Variants in STK10 observed in about 807,000 individuals in gnomAD.
STK10 encodes the protein serine/threonine kinase 10.
In STK10, 78 loss-of-function variants were observed where a neutral mutation model predicts 113.8. The observed-to-expected ratio is 0.69, with a 90% CI of 0.57 to 0.83. STK10 has a LOEUF of 0.83. Ranked by LOEUF, STK10 falls within the 40% of genes least tolerant of loss-of-function variation. STK10 has a pLI of 0.00. For missense variants in STK10, 1,109 were observed against 1,280.1 expected (o/e 0.87, Z 2.04); for synonymous variants, 465 against 494.7 (o/e 0.94, Z 0.80).
chr5:172,114,947 C>G (rs1473508), intron 4 of STK10: 29,003 of 152,668 alleles, frequency 0.19, 3,529 homozygotes, highest in African/African-American at 0.34. Context: ...CACCGCCAAC[C>G]CAGCCCTTTC....
chr5:172,163,423 A>T (rs1170042180), intron 1 of STK10, among the ~76,000 whole-genome samples: 1 of 152,150 alleles, frequency 6.6e-6, no homozygotes, highest in African/African-American at 2.4e-5. Flanking sequence ...CTAAAGATGA[A>T]TGACAATCAC....
intron 4 of STK10, among the ~76,000 whole-genome samples, chr5:172,111,768 G>A (rs1347435448): frequency 6.6e-6 from 1 of 152,260 alleles, no homozygotes; most frequent in Non-Finnish European, 1.5e-5. Flanking sequence ...TGTGGCCACA[G>A]TTGTATCCCT....
intron 1 of STK10, among the ~76,000 whole-genome samples, chr5:172,184,852 G>C (rs1431784015): frequency 3.3e-5 from 5 of 152,008 alleles, no homozygotes; most frequent in Admixed American, 3.3e-4. Flanking sequence ...GTAGAGGTGG[G>C]GTTTCACCAT....
At chr5:172,175,759 CTG>C (rs1770747376) in intron 1 of STK10, among the ~76,000 whole-genome samples, 1 of 152,150 alleles carries the variant, frequency 6.6e-6, no homozygotes, top group Admixed American at 6.6e-5. Context: ...GTCTTTCTCT[CTG>C]TGCTATGCAA....
chr5:172,050,769 G>A (rs1051321957), intron 18 of STK10, among the ~76,000 whole-genome samples: 6 of 151,592 alleles, frequency 4.0e-5, no homozygotes, highest in African/African-American at 1.5e-4. Context: ...CGGGAGTGCA[G>A]TAGTGCAATC....
intron 9 of STK10, among the ~76,000 whole-genome samples, chr5:172,091,531 C>CTTTT (rs778673700): frequency 0.012 from 1,628 of 131,848 alleles, 56 homozygotes; most frequent in African/African-American, 0.042. Flanking sequence ...TTCAAAGCCT[C>CTTTT]TTTTTTTTTT....
At chr5:172,046,180 C>T (rs188533218) in intron 18 of STK10, among the ~76,000 whole-genome samples, 1 of 151,154 alleles carries the variant, frequency 6.6e-6, no homozygotes, top group Non-Finnish European at 1.5e-5. Flanking sequence ...GCCAACAAGG[C>T]GAAACCCCAT....
intron 12 of STK10, among the ~76,000 whole-genome samples, chr5:172,065,588 C>A (rs1299288204): frequency 6.6e-6 from 1 of 152,134 alleles, no homozygotes; most frequent in Non-Finnish European, 1.5e-5. Flanking sequence ...GACATCCCTA[C>A]CCCCGCTGGC....
At chr5:172,057,942 T>G (rs747638510) in intron 14 of STK10, among the ~76,000 whole-genome samples, 3 of 152,178 alleles carry the variant, frequency 2.0e-5, no homozygotes, top group Non-Finnish European at 4.4e-5. Context: ...GGAGACCCCA[T>G]GAAGAAGACA....
intron 12 of STK10, among the ~76,000 whole-genome samples, chr5:172,073,207 T>C (rs1368486351): frequency 3.3e-5 from 5 of 152,170 alleles, no homozygotes; most frequent in African/African-American, 9.6e-5. Context: ...TGGAGTGCAG[T>C]AGTGGTGCGA....
intron 1 of STK10, among the ~76,000 whole-genome samples, chr5:172,169,644 A>G (rs1490033863): frequency 1.3e-5 from 2 of 152,108 alleles, no homozygotes; most frequent in Non-Finnish European, 2.9e-5. Flanking sequence ...TCCAGGGAGT[A>G]GACAATTATC....
Position 172,043,025 on chromosome 5 carries a change from A to T in STK10, c.*1857T>A, listed in dbSNP as rs185760516. 1.1e-4 allele frequency: 17 copies of T among 152,146 alleles called. No homozygotes were observed. In the East Asian group the frequency reaches 3.3e-3, roughly 29 times the overall value. 9.4% of individuals were successfully genotyped at this position (152,146 alleles called of 1,614,324 possible). On this transcript the variant is annotated 3_prime_UTR_variant, in exon 19 of 19. Transcript: ENST00000176763. ...CCCAGCTACTCAAGGTTGAAGCGGG[A>T]GAATCAGTTGAGCCACGAGTTTGAG...
At chr5:172,149,638 G>C (rs1379810346) in intron 2 of STK10, among the ~76,000 whole-genome samples, 1 of 152,038 alleles carries the variant, frequency 6.6e-6, no homozygotes, top group Non-Finnish European at 1.5e-5. Flanking sequence ...AAATGGAAAG[G>C]GTTCTGGCAC....
chr5:172,126,636 G>C (rs1769625595), intron 3 of STK10, among the ~76,000 whole-genome samples: 1 of 152,160 alleles, frequency 6.6e-6, no homozygotes, highest in Non-Finnish European at 1.5e-5. Context: ...ATGGGAACGT[G>C]GTTACCACAC....
intron 12 of STK10, among the ~76,000 whole-genome samples, chr5:172,069,631 T>C (rs1447948327): frequency 6.6e-6 from 1 of 152,154 alleles, no homozygotes; most frequent in African/African-American, 2.4e-5. Flanking sequence ...AATGTGACTA[T>C]TTAAAATAAC....
chr5:172,052,880 G>GA (rs1331129380), intron 18 of STK10, 49 bp downstream of exon 18: 2 of 1,570,680 alleles, frequency 1.3e-6, no homozygotes, highest in Middle Eastern at 2.1e-4. Flanking sequence ...GCCTGTGCAT[G>GA]GCACAGAGCA....
chr5:172,170,138 T>TC lies in STK10; in HGVS notation c.157-13351dup, dbSNP rs1491309968. Among the ~76,000 whole-genome samples, 269 of 148,418 alleles carry TC rather than the reference T, an allele frequency of 1.8e-3. 2 individuals are homozygous for TC. The highest frequency in any genetic ancestry group is 2.2e-3 in the Non-Finnish European group (151 of 67,696). ...GTATGTATCCTTTTTTTTTTTTTTTTCAGTATGTATTCTTAAATGACTAAG... is the reference window on the plus strand; with the variant it reads ...GTATGTATCCTTTTTTTTTTTTTTTTCCAGTATGTATTCTTAAATGACTAAG... On this transcript the variant is annotated intron_variant, in intron 1 of 18. Transcript: ENST00000176763.
At chr5:172,077,998 G>GA (rs1382884915) in intron 12 of STK10, among the ~76,000 whole-genome samples, 2 of 145,736 alleles carry the variant, frequency 1.4e-5, no homozygotes, top group Non-Finnish European at 3.0e-5. Context: ...GGTGGGGGGG[G>GA]TCTCGTCCCT....
At chr5:172,078,619 T>TAAAAAAAAAAA (rs58823824) in intron 12 of STK10, among the ~76,000 whole-genome samples, 6 of 72,878 alleles carry the variant, frequency 8.2e-5, no homozygotes, top group African/African-American at 2.2e-4. Flanking sequence ...GCCTCATCAT[T>TAAAAAAAAAAA]AAAAAAAAAA....
Sources: gnomAD v4.1 joint callset for allele counts (sites outside exome capture counted in the v4.1 genomes callset) on GRCh38, gnomAD v4.1.1 for gene constraint, MANE v1.5 for transcripts, NCBI Gene and HGNC (gene_info 2026-07-23, HGNC 2026-07-21) for gene names.